Variants in IRAK4 observed in about 807,000 individuals in gnomAD.
IRAK4 encodes the protein interleukin 1 receptor associated kinase 4.
IRAK4 carries 44 observed loss-of-function variants against 51.8 expected under a neutral mutation model. That is an observed-to-expected ratio of 0.85 (90% CI 0.67 to 1.09). The LOEUF is 1.09. Among genes scored for constraint, IRAK4 ranks in the 50% least tolerant of loss-of-function variants. The pLI is 0.00. For synonymous variants in IRAK4, 149 were observed against 174.1 expected (o/e 0.86, Z 1.13); for missense variants, 487 against 538.0 (o/e 0.91, Z 0.94).
At chr12:43,765,388 T>G (rs4251450) in intron 1 of IRAK4, among the ~76,000 whole-genome samples, 10,902 of 152,234 alleles carry the variant, frequency 0.072, 421 homozygotes, top group Middle Eastern at 0.14. Context: ...GAGTTACTGA[T>G]TTGTACACTG....
intron 10 of IRAK4, 100 bp from the exon 11 acceptor site, chr12:43,786,291 GAGAGCACA>G: frequency 1.5e-6 from 1 of 688,028 alleles, no homozygotes; most frequent in Non-Finnish European, 2.1e-6. Flanking sequence ...ATAGTAAAAT[GAGAGCACA>G]TGTTATTACA....
chr12:43,781,710 C>G (rs1247578312), intron 8 of IRAK4, among the ~76,000 whole-genome samples: 1 of 152,140 alleles, frequency 6.6e-6, no homozygotes, highest in East Asian at 1.9e-4. Flanking sequence ...CTCCGCCATG[C>G]CCAGCAGTGA....
Position 43,778,300 on chromosome 12 carries a change from A to G in IRAK4, c.939A>G (p.Lys313=), listed in dbSNP as rs1270824238. ...ATCATCATATTCATAGAGATATTAA[A>G]AGGTAAATGCTACTGTTTAAAAGTT... The part of the protein sequence containing the change: ...HENHHIHRDI[K]SANILLDEAF... Residue 313 remains lysine (K), a splice_region_variant and synonymous_variant, in exon 8 of 12, where the codon AAA becomes AAG. Transcript: ENST00000613694. 6.6e-7 allele frequency: 1 copy of G among 1,520,670 alleles called. No homozygotes were observed. Among genetic ancestry groups the G allele is most frequent in the Non-Finnish European group, 9.1e-7 (1 of 1,095,092 alleles). The allele number at this position is 1,520,670 out of a possible 1,614,324, so 94.2% of individuals were successfully genotyped here.
intron 1 of IRAK4, among the ~76,000 whole-genome samples, chr12:43,766,303 CTCTGCCTGGAATTT>C (rs568484379): frequency 4.5e-4 from 68 of 152,282 alleles, no homozygotes; most frequent in African/African-American, 1.6e-3. Context: ...ATGCTATTCC[CTCTGCCTGGAATTT>C]TCTTTTGGGC....
chr12:43,766,816 G>T (rs1940198749), intron 1 of IRAK4, among the ~76,000 whole-genome samples: 1 of 152,166 alleles, frequency 6.6e-6, no homozygotes, highest in Non-Finnish European at 1.5e-5. Context: ...AAGTCACTAG[G>T]TGTATATTCA....
At chr12:43,760,191 T>C (rs1278309895) in intron 1 of IRAK4, among the ~76,000 whole-genome samples, 4 of 117,296 alleles carry the variant, frequency 3.4e-5, no homozygotes, top group Non-Finnish European at 6.6e-5. Flanking sequence ...ATCGGTAAAC[T>C]TGGTTATGCT....
intron 2 of IRAK4, among the ~76,000 whole-genome samples, chr12:43,769,706 G>A (rs1344380334): frequency 1.3e-5 from 2 of 152,034 alleles, no homozygotes; most frequent in Non-Finnish European, 2.9e-5. Context: ...AAAGAGAAGG[G>A]TACATTTTTA....
At chr12:43,783,856 T>C (rs548962768) in intron 10 of IRAK4, 132 bp downstream of exon 10, 1 of 676,596 alleles carries the variant, frequency 1.5e-6, no homozygotes, top group Non-Finnish European at 2.6e-6. Context: ...CACGACAGCA[T>C]ATGGAAAAAG....
intron 1 of IRAK4, among the ~76,000 whole-genome samples, chr12:43,763,117 A>AT (rs925301932): frequency 6.6e-6 from 1 of 152,200 alleles, no homozygotes. Flanking sequence ...TAAAAGATTC[A>AT]TTCAGAGTGC....
chr12:43,772,777 GT>G (rs1940902732), intron 4 of IRAK4, 134 bp from the exon 5 acceptor site: 1 of 710,154 alleles, frequency 1.4e-6, no homozygotes, highest in African/African-American at 1.8e-5. Context: ...TTTAGAAATG[GT>G]TTTATCTTCT....
intron 8 of IRAK4, among the ~76,000 whole-genome samples, chr12:43,780,327 T>G (rs966339549): frequency 6.6e-6 from 1 of 152,108 alleles, no homozygotes; most frequent in East Asian, 1.9e-4. Context: ...TTCAGGAAAC[T>G]TTTTTTAAGC....
chr12:43,770,874 T>G (rs1334956926), intron 2 of IRAK4, among the ~76,000 whole-genome samples: 1 of 152,086 alleles, frequency 6.6e-6, no homozygotes, highest in Non-Finnish European at 1.5e-5. Flanking sequence ...CCCTTATGAG[T>G]GGATTAATGT....
In IRAK4 at chr12:43,778,184, CT is replaced by C; in HGVS notation, c.832-6del. ...TTCTCATTTTTAATTTGGTTTATTT[CT>C]TTATAAGGATGGTACTCCACCACTT... On this transcript the variant is annotated splice_region_variant and splice_polypyrimidine_tract_variant and intron_variant, in intron 7 of 11. Transcript: ENST00000613694. The C allele has an allele frequency of 6.6e-7, 1 of 1,510,738 alleles. No individual in the cohort carries two copies. Among genetic ancestry groups the C allele is most frequent in the Non-Finnish European group, 9.2e-7 (1 of 1,086,272 alleles). The allele number at this position is 1,510,738 out of a possible 1,614,324, so 93.6% of individuals were successfully genotyped here.
chr12:43,779,624 G>T lies in IRAK4; in HGVS notation c.941+1322G>T, dbSNP rs116999385. ...GGCTATGCAGGGGTTCAGGAAGAGC[G>T]AAGTATCAGGAATGACTCCTGGAAT... is the stretch of plus-strand genomic sequence containing the variant. On this transcript the variant is annotated intron_variant, in intron 8 of 11. Coordinates refer to ENST00000613694, the MANE Select transcript of IRAK4 (RefSeq NM_016123.4). Among the ~76,000 whole-genome samples the T allele has an allele frequency of 1.2e-3, 187 of 152,270 alleles. 1 individual carries two copies. The highest frequency in any genetic ancestry group is 4.4e-3 in the African/African-American group (184 of 41,534).
intron 1 of IRAK4, among the ~76,000 whole-genome samples, chr12:43,762,923 C>A (rs1939720564): frequency 6.6e-6 from 1 of 152,172 alleles, no homozygotes; most frequent in South Asian, 2.1e-4. Flanking sequence ...TTCCTTCTTT[C>A]TAGATTCAAA....
chr12:43,763,846 GTCTAACATATCCA>G (rs1939832080), intron 1 of IRAK4, among the ~76,000 whole-genome samples: 1 of 152,078 alleles, frequency 6.6e-6, no homozygotes, highest in Admixed American at 6.6e-5. Context: ...TGATTTCAGA[GTCTAACATATCCA>G]TCAGTGTCTA....
chr12:43,782,182 A>T (rs1941831905), intron 8 of IRAK4, 125 bp from the exon 9 acceptor site: 1 of 656,702 alleles, frequency 1.5e-6, no homozygotes, highest in Non-Finnish European at 2.7e-6. Context: ...GTAAATATGT[A>T]TGTACATATG....
intron 9 of IRAK4, among the ~76,000 whole-genome samples, chr12:43,783,246 G>A (rs891958168): frequency 6.6e-6 from 1 of 151,896 alleles, no homozygotes; most frequent in African/African-American, 2.4e-5. Context: ...ATCAAATTTT[G>A]TAAGCAAGAT....
Position 43,778,278 on chromosome 12 carries a change from A to T in IRAK4, c.917A>T (p.His306Leu), listed in dbSNP as rs778846957. The change falls in exon 8 of 12, where the codon CAT becomes CTT. Residue 306 changes from histidine (H) to leucine (L), a missense_variant. Transcript: ENST00000613694. ...ANGINFLHEN[H>L]HIHRDIKSAN... is the part of the protein sequence containing the mutation. The stretch of plus-strand genomic sequence containing the variant: ...GGCATCAATTTTCTACATGAAAATC[A>T]TCATATTCATAGAGATATTAAAAGG... 1.9e-6 allele frequency: 3 copies of T among 1,592,088 alleles called. No individual in the cohort carries two copies. Among genetic ancestry groups the T allele is most frequent in the Non-Finnish European group, 2.6e-6 (3 of 1,160,126 alleles).
Sources: gnomAD v4.1 joint callset for allele counts (sites outside exome capture counted in the v4.1 genomes callset) on GRCh38, gnomAD v4.1.1 for gene constraint, MANE v1.5 for transcripts, NCBI Gene and HGNC (gene_info 2026-07-23, HGNC 2026-07-21) for gene names.